RBM6: variants seen among roughly 807,000 people sequenced by gnomAD.
RBM6 encodes RNA binding motif protein 6.
Under a neutral mutation model 140.4 loss-of-function variants are expected in RBM6, and 23 were observed. The observed-to-expected ratio is 0.16, with a 90% CI of 0.12 to 0.23. RBM6 has a LOEUF of 0.23. Ranked by LOEUF, RBM6 falls within the 10% of genes least tolerant of loss-of-function variation. The pLI is 1.00. For synonymous variants in RBM6, 439 were observed against 475.6 expected (o/e 0.92, Z 1.00); for missense variants, 1,139 against 1,386.7 (o/e 0.82, Z 2.84).
chr3:49,984,986 G>A (rs2085495448), intron 5 of RBM6, among the ~76,000 whole-genome samples: 2 of 152,190 alleles, frequency 1.3e-5, no homozygotes, highest in African/African-American at 4.8e-5. Flanking sequence ...ACAGCCCTCT[G>A]TCAGTTCCAC....
At chr3:50,066,204 G>A (rs780197943) in intron 16 of RBM6, 38 bp from the exon 17 acceptor site, 4 of 1,566,902 alleles carry the variant, frequency 2.6e-6, no homozygotes, top group Non-Finnish European at 2.6e-6. Context: ...CAAAATATAG[G>A]TTGAATTTGG....
At chr3:49,982,239 A>G (rs1404776545) in intron 5 of RBM6, among the ~76,000 whole-genome samples, 2 of 127,918 alleles carry the variant, frequency 1.6e-5, no homozygotes, top group African/African-American at 3.1e-5. Context: ...AAGGCCCTGT[A>G]CCTTCTGCAT....
intron 6 of RBM6, among the ~76,000 whole-genome samples, chr3:50,026,582 T>C (rs2108809645): frequency 1.3e-5 from 2 of 148,330 alleles, no homozygotes; most frequent in South Asian, 4.3e-4. Context: ...AGTCCCAAAG[T>C]GCTGGGACTA....
intron 6 of RBM6, among the ~76,000 whole-genome samples, chr3:50,015,010 C>G (rs1240046476): frequency 2.2e-5 from 3 of 135,794 alleles, no homozygotes; most frequent in African/African-American, 8.6e-5. Context: ...GATCACGCCA[C>G]TGTACTCCAG....
At chr3:50,072,227 G>A (rs2090326449) in intron 19 of RBM6, among the ~76,000 whole-genome samples, 1 of 151,570 alleles carries the variant, frequency 6.6e-6, no homozygotes, top group Non-Finnish European at 1.5e-5. Context: ...GGCCAACATG[G>A]TGAAACCCTG....
chr3:50,033,764 C>T (rs1350556833), intron 6 of RBM6, among the ~76,000 whole-genome samples: 1 of 152,142 alleles, frequency 6.6e-6, no homozygotes, highest in Non-Finnish European at 1.5e-5. Flanking sequence ...GCCTCAGCCT[C>T]CCGAGTAGCT....
intron 1 of RBM6, among the ~76,000 whole-genome samples, chr3:49,954,730 G>A (rs1050948943): frequency 6.6e-6 from 1 of 151,282 alleles, no homozygotes; most frequent in Non-Finnish European, 1.5e-5. Context: ...TTTCTGTTTT[G>A]CACAGATATC....
At chr3:49,962,811 A>T in intron 2 of RBM6, 126 bp downstream of exon 2, 1 of 1,089,618 alleles carries the variant, frequency 9.2e-7, no homozygotes, top group Non-Finnish European at 1.3e-6. Flanking sequence ...TAAAAATAGA[A>T]ATTTGGCTGG....
At chr3:49,996,296 T>A (rs2086084400) in intron 5 of RBM6, among the ~76,000 whole-genome samples, 1 of 152,212 alleles carries the variant, frequency 6.6e-6, no homozygotes, top group African/African-American at 2.4e-5. Flanking sequence ...AATGTTGGAC[T>A]TACCTAAATT....
intron 5 of RBM6, among the ~76,000 whole-genome samples, chr3:49,978,908 G>T (rs2085178003): frequency 6.6e-6 from 1 of 152,080 alleles, no homozygotes; most frequent in Non-Finnish European, 1.5e-5. Flanking sequence ...TGAATTATAT[G>T]ATTATTTCTG....
chr3:50,016,781 C>T (rs1225675228), intron 6 of RBM6, among the ~76,000 whole-genome samples: 1 of 151,846 alleles, frequency 6.6e-6, no homozygotes, highest in Non-Finnish European at 1.5e-5. Flanking sequence ...AGCAGTCCTC[C>T]CACCTCAGCC....
At chr3:50,025,965 A>C (rs979466488) in intron 6 of RBM6, among the ~76,000 whole-genome samples, 2 of 152,078 alleles carry the variant, frequency 1.3e-5, no homozygotes, top group Non-Finnish European at 2.9e-5. Flanking sequence ...GTGGTGGCAG[A>C]CGCCTGTAAT....
chr3:49,944,270 A>G (rs2083399166), intron 1 of RBM6, among the ~76,000 whole-genome samples: 1 of 151,980 alleles, frequency 6.6e-6, no homozygotes, highest in Admixed American at 6.6e-5. Flanking sequence ...TGTATGGCTT[A>G]TTTTACTTAG....
chr3:50,033,590 TA>T (rs1172499887), intron 6 of RBM6, among the ~76,000 whole-genome samples: 1 of 152,186 alleles, frequency 6.6e-6, no homozygotes, highest in Non-Finnish European at 1.5e-5. Context: ...ATTCAGAAGC[TA>T]AGTTACTGTA....
At chr3:49,998,777 A>G (rs145952833) in intron 5 of RBM6, among the ~76,000 whole-genome samples, 4 of 152,256 alleles carry the variant, frequency 2.6e-5, no homozygotes, top group Middle Eastern at 3.4e-3. Flanking sequence ...GGACATAGTT[A>G]TTTGTACTTA....
intron 6 of RBM6, 126 bp from the exon 7 acceptor site, chr3:50,048,119 C>CATAAAG: frequency 6.8e-7 from 1 of 1,465,596 alleles, no homozygotes; most frequent in Non-Finnish European, 9.0e-7. Flanking sequence ...TTCCTTTCAC[C>CATAAAG]AGTGAATTAA....
chr3:49,983,574 G>GT (rs1332349842), intron 5 of RBM6, among the ~76,000 whole-genome samples: 2 of 152,184 alleles, frequency 1.3e-5, no homozygotes, highest in Non-Finnish European at 2.9e-5. Context: ...ATTTTGCAGT[G>GT]TTTTTGGCAT....
intron 1 of RBM6, among the ~76,000 whole-genome samples, chr3:49,960,295 C>T (rs914926503): frequency 2.0e-5 from 3 of 152,194 alleles, no homozygotes; most frequent in African/African-American, 4.8e-5. Flanking sequence ...TAAAACACCA[C>T]AGAACTTTCC....
intron 6 of RBM6, among the ~76,000 whole-genome samples, chr3:50,032,034 A>T (rs1043784084): frequency 6.6e-6 from 1 of 152,194 alleles, no homozygotes; most frequent in Non-Finnish European, 1.5e-5. Flanking sequence ...ACTTCTAGTT[A>T]TGTTCAGTTG....
Sources: gnomAD v4.1 joint callset for allele counts (sites outside exome capture counted in the v4.1 genomes callset) on GRCh38, gnomAD v4.1.1 for gene constraint, MANE v1.5 for transcripts, NCBI Gene and HGNC (gene_info 2026-07-23, HGNC 2026-07-21) for gene names.